Variants in CENPQ observed in about 807,000 individuals in gnomAD.
CENPQ encodes the protein centromere protein Q.
In CENPQ, 27 loss-of-function variants were observed where a neutral mutation model predicts 36.6. The observed-to-expected ratio is 0.74, with a 90% CI of 0.54 to 1.02. The LOEUF (loss-of-function observed/expected upper bound fraction) is 1.02, where lower values mean the gene tolerates loss of function less well. CENPQ is among the 50% of genes least tolerant of loss of function. The probability of loss-of-function intolerance (pLI) is 0.00; values close to 1 mark genes in which losing one functional copy is unlikely to be tolerated. For synonymous variants in CENPQ, 101 were observed against 101.7 expected (o/e 0.99, Z 0.04); for missense variants, 306 against 301.8 (o/e 1.01, Z -0.10).
At chr6:49,485,044 C>T (rs1768542189) in intron 6 of CENPQ, among the ~76,000 whole-genome samples, 1 of 152,176 alleles carries the variant, frequency 6.6e-6, no homozygotes, top group Non-Finnish European at 1.5e-5. Flanking sequence ...AGCATAATTA[C>T]AATCTATAAT....
At chr6:49,476,314 G>A (rs1210045230) in intron 5 of CENPQ, among the ~76,000 whole-genome samples, 1 of 152,178 alleles carries the variant, frequency 6.6e-6, no homozygotes, top group African/African-American at 2.4e-5. Context: ...ACAAAAACAA[G>A]CAATGGGGAA....
At chr6:49,481,197 T>C (rs566705123) in intron 6 of CENPQ, 117 bp downstream of exon 6, 1 of 869,348 alleles carries the variant, frequency 1.2e-6, no homozygotes, top group East Asian at 2.9e-5. Context: ...TTGAACCAGG[T>C]TTTTTCATTA....
At chr6:49,479,352 T>C (rs560145753) in intron 5 of CENPQ, among the ~76,000 whole-genome samples, 15 of 152,206 alleles carry the variant, frequency 9.9e-5, no homozygotes, top group African/African-American at 3.6e-4. Context: ...AAAGAAAACA[T>C]ACATGCGGCC....
rs764660201 is a variant in CENPQ at position 49,473,939 on chromosome 6, A to ATTATT, written c.347+1081_347+1082insTTATT. Among the ~76,000 whole-genome samples, 188 of 152,340 alleles carry ATTATT rather than the reference A, an allele frequency of 1.2e-3. 1 individual carries two copies. The highest frequency in any genetic ancestry group is 1.9e-3 in the Non-Finnish European group (132 of 68,020). ...GACAAAGAAGACCGTTAATAATAGT[A>ATTATT]AAGGGATCAATTCAACAAGAAGAGC... On this transcript the variant is annotated intron_variant, in intron 5 of 8. Coordinates refer to ENST00000335783, the MANE Select transcript of CENPQ (RefSeq NM_018132.4).
intron 1 of CENPQ, among the ~76,000 whole-genome samples, chr6:49,467,247 T>TA (rs1768025310): frequency 6.6e-6 from 1 of 152,258 alleles, no homozygotes; most frequent in Non-Finnish European, 1.5e-5. Flanking sequence ...TCATAACTGA[T>TA]ACTTTTGTAA....
intron 1 of CENPQ, among the ~76,000 whole-genome samples, chr6:49,469,669 T>C (rs1768081651): frequency 6.6e-6 from 1 of 152,172 alleles, no homozygotes; most frequent in Non-Finnish European, 1.5e-5. Context: ...TCCACATAGA[T>C]TGATGGTATA....
At chr6:49,478,039 G>A (rs1464170475) in intron 5 of CENPQ, among the ~76,000 whole-genome samples, 1 of 152,110 alleles carries the variant, frequency 6.6e-6, no homozygotes, top group Non-Finnish European at 1.5e-5. Context: ...TAACAGCTAT[G>A]GAGTACATAC....
At chr6:49,469,833 G>T (rs1427105985) in intron 1 of CENPQ, among the ~76,000 whole-genome samples, 1 of 152,030 alleles carries the variant, frequency 6.6e-6, no homozygotes, top group African/African-American at 2.4e-5. Flanking sequence ...TGGAGAGGAT[G>T]TTATCATACG....
chr6:49,468,330 C>T (rs139991297), intron 1 of CENPQ, among the ~76,000 whole-genome samples: 18 of 151,990 alleles, frequency 1.2e-4, no homozygotes, highest in Admixed American at 2.0e-4. Context: ...CAGTGGCTCA[C>T]GCCTGTAATC....
intron 1 of CENPQ, among the ~76,000 whole-genome samples, chr6:49,469,340 A>T (rs1316309469): frequency 6.6e-6 from 1 of 152,142 alleles, no homozygotes; most frequent in Non-Finnish European, 1.5e-5. Context: ...GTATATATAT[A>T]TTTTCTAGGC....
At chr6:49,471,865 T>C (rs532187226) in intron 3 of CENPQ, among the ~76,000 whole-genome samples, 198 bp from the exon 4 acceptor site, 1 of 152,350 alleles carries the variant, frequency 6.6e-6, no homozygotes, top group Non-Finnish European at 1.5e-5. Context: ...TGTTAACTTA[T>C]CAATAGAAAG....
rs556544130 is a variant in CENPQ at position 49,474,112 on chromosome 6, GAC to G, written c.347+1256_347+1257del. Among the ~76,000 whole-genome samples, 28 of 152,224 alleles carry G rather than the reference GAC, an allele frequency of 1.8e-4. No individual in the cohort carries two copies. In the South Asian group the frequency reaches 5.6e-3, roughly 30 times the overall value. On this transcript the variant is annotated intron_variant, in intron 5 of 8. Transcript: ENST00000335783. ...CTGTCAACACTAGACAGACCAATGAGACAGAAAATTAACAAGGATATACAGTA... is the reference window on the plus strand; with the variant it reads ...CTGTCAACACTAGACAGACCAATGAGAGAAAATTAACAAGGATATACAGTA...
At chr6:49,465,290 C>T (rs1767974990) in intron 1 of CENPQ, among the ~76,000 whole-genome samples, 1 of 152,190 alleles carries the variant, frequency 6.6e-6, no homozygotes, top group Admixed American at 6.5e-5. Context: ...TGTGCTGTCA[C>T]TCATGCTTTG....
chr6:49,476,897 G>A (rs958567809), intron 5 of CENPQ, among the ~76,000 whole-genome samples: 19 of 152,232 alleles, frequency 1.2e-4, no homozygotes, highest in East Asian at 1.9e-4. Flanking sequence ...TTAGAATGGC[G>A]ATCATTAAAA....
intron 6 of CENPQ, among the ~76,000 whole-genome samples, chr6:49,482,512 C>T (rs907079549): frequency 6.6e-6 from 1 of 152,178 alleles, no homozygotes; most frequent in Admixed American, 6.5e-5. Flanking sequence ...GAGGGGAGGT[C>T]TCTAGGCCAG....
At chr6:49,481,386 T>G (rs1206448081) in intron 6 of CENPQ, among the ~76,000 whole-genome samples, 1 of 152,092 alleles carries the variant, frequency 6.6e-6, no homozygotes, top group Admixed American at 6.5e-5. Context: ...TTACAGTTCT[T>G]AAAGGTGACG....
At chr6:49,482,124 G>A (rs1249008661) in intron 6 of CENPQ, among the ~76,000 whole-genome samples, 1 of 152,154 alleles carries the variant, frequency 6.6e-6, no homozygotes, top group Non-Finnish European at 1.5e-5. Context: ...CGAGTGTGGG[G>A]CCTGCCAAGC....
At chr6:49,487,649 C>T (rs1425365869) in intron 6 of CENPQ, among the ~76,000 whole-genome samples, 1 of 152,026 alleles carries the variant, frequency 6.6e-6, no homozygotes, top group Non-Finnish European at 1.5e-5. Context: ...AGCATACAGG[C>T]AATGTTATCA....
chr6:49,473,074 C>A (rs1362053981), intron 5 of CENPQ, among the ~76,000 whole-genome samples: 1 of 152,018 alleles, frequency 6.6e-6, no homozygotes, highest in East Asian at 1.9e-4. Flanking sequence ...CCCTGAAAAT[C>A]ACGAAATTCT....
Sources: allele counts gnomAD v4.1 joint callset (sites outside exome capture counted in the v4.1 genomes callset), GRCh38; gene constraint gnomAD v4.1.1; transcripts MANE v1.5; gene names NCBI Gene and HGNC (gene_info 2026-07-23, HGNC 2026-07-21).